Variants in LYN observed in about 807,000 individuals in gnomAD.
LYN encodes tyrosine-protein kinase Lyn.
In LYN, 12 loss-of-function variants were observed where a neutral mutation model predicts 65.0. That is an observed-to-expected ratio of 0.18 (90% CI 0.12 to 0.30). The LOEUF is 0.30. Ranked by LOEUF, LYN falls within the 10% of genes least tolerant of loss-of-function variation. LYN has a pLI of 1.00. For missense variants in LYN, 380 were observed against 623.2 expected, an observed-to-expected ratio of 0.61 and a Z score of 4.16; for synonymous variants, 222 against 221.2, an observed-to-expected ratio of 1.00 and a Z score of -0.03.
At chr8:55,980,336 C>G (rs538645293) in intron 10 of LYN, 1 of 152,226 alleles carries the variant, frequency 6.6e-6, no homozygotes, top group Non-Finnish European at 1.5e-5. Context: ...TGAGCTGCTC[C>G]GCTTCTGACC....
chr8:55,993,888 T>G (rs1808308329), intron 10 of LYN, among the ~76,000 whole-genome samples: 1 of 152,206 alleles, frequency 6.6e-6, no homozygotes, highest in Non-Finnish European at 1.5e-5. Flanking sequence ...AAGTCAAGCT[T>G]TCCAAGCTGC....
At chr8:56,006,065 C>T (rs918048913) in intron 12 of LYN, among the ~76,000 whole-genome samples, 1 of 152,014 alleles carries the variant, frequency 6.6e-6, no homozygotes, top group African/African-American at 2.4e-5. Flanking sequence ...GCCTGGGCAA[C>T]AGAGTGAGAC....
intron 6 of LYN, 120 bp from the exon 7 acceptor site, chr8:55,951,846 C>A: frequency 1.3e-6 from 1 of 761,912 alleles, no homozygotes; most frequent in Non-Finnish European, 2.1e-6. Flanking sequence ...GCATTTTATA[C>A]AAATTTCATA....
intron 1 of LYN, among the ~76,000 whole-genome samples, chr8:55,894,375 A>AT (rs34910040): frequency 0.011 from 1,578 of 144,920 alleles, 29 homozygotes; most frequent in African/African-American, 0.034. Context: ...AACTTTCTTA[A>AT]TTTTTTTTTT....
chr8:55,928,043 G>A (rs1269926024), intron 1 of LYN, among the ~76,000 whole-genome samples: 2 of 152,180 alleles, frequency 1.3e-5, no homozygotes, highest in Admixed American at 6.5e-5. Flanking sequence ...ATGAATTGGA[G>A]TATCTGTTGC....
intron 9 of LYN, among the ~76,000 whole-genome samples, chr8:55,969,031 A>C (rs1807535381): frequency 6.6e-6 from 1 of 152,210 alleles, no homozygotes; most frequent in East Asian, 1.9e-4. Flanking sequence ...CTATAATCCC[A>C]GCCCTTTTGG....
chr8:55,913,877 G>A (rs1031148823), intron 1 of LYN, among the ~76,000 whole-genome samples: 1 of 152,182 alleles, frequency 6.6e-6, no homozygotes, highest in African/African-American at 2.4e-5. Flanking sequence ...GGGCCTTGGA[G>A]TACTGGGCTT....
At chr8:55,930,979 A>G (rs1806252141) in intron 1 of LYN, among the ~76,000 whole-genome samples, 1 of 152,038 alleles carries the variant, frequency 6.6e-6, no homozygotes, top group Admixed American at 6.6e-5. Context: ...CCCACGGACA[A>G]TTAGAGTTTG....
chr8:56,010,088 G>A lies in LYN; in HGVS notation c.1517G>A (p.Gly506Glu). 1 of 1,614,122 alleles carries A rather than the reference G, an allele frequency of 6.2e-7. No individual in the cohort carries two copies. Among genetic ancestry groups the A allele is most frequent in the South Asian group, 1.1e-5 (1 of 91,066 alleles). The change falls in exon 13 of 13, where the codon GGG (glycine) becomes GAG (glutamate). Residue 506 changes from glycine to glutamate, a missense_variant. By Grantham distance (98) the Gly-to-Glu change is moderately conservative. Coordinates refer to ENST00000519728, the MANE Select transcript of LYN (RefSeq NM_002350.4). ...GATGATTTCTACACAGCCACGGAAG[G>A]GCAATACCAGCAGCAGCCTTAGAGC... ...VLDDFYTATEGQYQQQP is the reference protein window; with the variant it reads ...VLDDFYTATEEQYQQQP
intron 10 of LYN, among the ~76,000 whole-genome samples, chr8:55,991,998 A>G (rs191522592): frequency 6.5e-4 from 99 of 152,316 alleles, no homozygotes; most frequent in South Asian, 3.5e-3. Flanking sequence ...GATTAGTCTC[A>G]TTTTTGGTAA....
Position 55,947,718 on chromosome 8 carries a change from G to A in LYN, c.279G>A (p.Leu93=). The A allele has an allele frequency of 6.2e-7, 1 of 1,611,312 alleles. No individual in the cohort carries two copies. The highest frequency in any genetic ancestry group is 8.5e-7 in the Non-Finnish European group (1 of 1,177,530). The change falls in exon 4 of 13, where the codon CTG becomes CTA. Residue 93 remains leucine, a synonymous_variant. Coordinates refer to ENST00000519728, the MANE Select transcript of LYN (RefSeq NM_002350.4). ...AGAAAGGAGAGAAGATGAAAGTCCT[G>A]GAGGAGTAAGTGCTCTCAAGCACGC... is the stretch of plus-strand genomic sequence containing the variant. The part of the protein sequence containing the change: ...SFKKGEKMKV[L]EEHGEWWKAK...
intron 1 of LYN, among the ~76,000 whole-genome samples, chr8:55,913,294 G>A (rs895554962): frequency 6.6e-6 from 1 of 152,076 alleles, no homozygotes; most frequent in Non-Finnish European, 1.5e-5. Context: ...TTTTAGTAGG[G>A]GACAAAAGTG....
At chr8:55,920,185 C>T (rs1166713385) in intron 1 of LYN, among the ~76,000 whole-genome samples, 1 of 152,000 alleles carries the variant, frequency 6.6e-6, no homozygotes, top group Non-Finnish European at 1.5e-5. Flanking sequence ...AATCTGAAAC[C>T]TGGACCACTA....
chr8:55,957,617 G>A (rs1807158198), intron 8 of LYN, among the ~76,000 whole-genome samples: 1 of 152,178 alleles, frequency 6.6e-6, no homozygotes, highest in Non-Finnish European at 1.5e-5. Context: ...AACTGCTTGA[G>A]TGAATTATTT....
Position 56,010,086 on chromosome 8 carries a change from A to G in LYN, c.1515A>G (p.Glu505=), listed in dbSNP as rs1343885959. The change falls in exon 13 of 13, where the codon GAA becomes GAG. Residue 505 remains glutamate, a synonymous_variant. Transcript: ENST00000519728. ...SVLDDFYTAT[E]GQYQQQP ...TGGATGATTTCTACACAGCCACGGA[A>G]GGGCAATACCAGCAGCAGCCTTAGA... is the stretch of plus-strand genomic sequence containing the variant. 9.9e-6 allele frequency: 16 copies of G among 1,614,080 alleles called. No individual in the cohort carries two copies. The highest frequency in any genetic ancestry group is 1.4e-5 in the Non-Finnish European group (16 of 1,180,026).
At position 55,933,231 on chromosome 8, in the gene LYN, A is replaced by G. The variant is rs113169087; in HGVS notation, c.-5-8624A>G. Reference sequence around the variant, plus strand: ...AAACTATCCCATCTAATATGACATTACGTAAATCTGAAATAATTAAAAGAT... The same window carrying G: ...AAACTATCCCATCTAATATGACATTGCGTAAATCTGAAATAATTAAAAGAT... On this transcript the variant is annotated intron_variant, in intron 1 of 12. Transcript: ENST00000519728. 7.9e-4 allele frequency among the ~76,000 whole-genome samples: 121 copies of G among 152,370 alleles called. 3 individuals carry two copies. The highest frequency in any genetic ancestry group is 2.7e-3 in the African/African-American group (113 of 41,586).
intron 10 of LYN, among the ~76,000 whole-genome samples, chr8:55,990,050 C>G (rs1489316470): frequency 6.6e-6 from 1 of 151,908 alleles, no homozygotes; most frequent in African/African-American, 2.4e-5. Flanking sequence ...ACCAGCCTGG[C>G]CAACATGGCA....
chr8:55,900,245 G>A (rs976969390), intron 1 of LYN, among the ~76,000 whole-genome samples: 1 of 152,164 alleles, frequency 6.6e-6, no homozygotes, highest in Non-Finnish European at 1.5e-5. Flanking sequence ...TTTAAACATT[G>A]CGTCAAGTTT....
rs533780651 is a variant in LYN at position 55,956,488 on chromosome 8, C to T, written c.790+2504C>T. On this transcript the variant is annotated intron_variant, in intron 8 of 12. Transcript: ENST00000519728. ...CACCATCACTTTTATTTAAAGTGAT[C>T]CAAAAGTTTAAATGGATCATTTAAA... Among the ~76,000 whole-genome samples the T allele has an allele frequency of 2.6e-5, 4 of 152,186 alleles. No homozygotes were observed. The South Asian group carries it at 8.3e-4, about 32-fold the overall frequency.
Sources: allele counts gnomAD v4.1 joint callset (sites outside exome capture counted in the v4.1 genomes callset), GRCh38; gene constraint gnomAD v4.1.1; transcripts MANE v1.5; gene names NCBI Gene and HGNC (gene_info 2026-07-23, HGNC 2026-07-21).